Variants in AK5 observed in about 807,000 individuals in gnomAD.
AK5 encodes the protein adenylate kinase 5.
In AK5, 27 loss-of-function variants were observed where a neutral mutation model predicts 69.5. That is an observed-to-expected ratio of 0.39 (90% confidence interval 0.29 to 0.54). The LOEUF is 0.54. Ranked by LOEUF, AK5 falls within the 20% of genes least tolerant of loss-of-function variation. The pLI, the probability that AK5 is intolerant of heterozygous loss-of-function variation, is 0.71. For synonymous variants in AK5, 260 were observed against 244.4 expected (o/e 1.06, Z -0.60); for missense variants, 531 against 700.4 (o/e 0.76, Z 2.73).
At chr1:77,304,081 A>G (rs1162437096) in intron 5 of AK5, among the ~76,000 whole-genome samples, 2 of 152,098 alleles carry the variant, frequency 1.3e-5, no homozygotes, top group Non-Finnish European at 2.9e-5. Flanking sequence ...TTTGCTATCA[A>G]ATAGTAGGTC....
chr1:77,358,018 T>TGTGA (rs762714026), intron 6 of AK5, among the ~76,000 whole-genome samples: 20 of 128,268 alleles, frequency 1.6e-4, no homozygotes, highest in Non-Finnish European at 2.3e-4. Flanking sequence ...TGTGTGTGTG[T>TGTGA]GAGAGAGAGA....
At chr1:77,501,838 C>T (rs12049202) in intron 10 of AK5, among the ~76,000 whole-genome samples, 29,689 of 152,140 alleles carry the variant, frequency 0.2, 3,158 homozygotes, top group East Asian at 0.35. Flanking sequence ...ACTAAAATAT[C>T]AGCCCCAGCA....
chr1:77,488,826 C>A (rs887893559), intron 10 of AK5, among the ~76,000 whole-genome samples: 1 of 152,176 alleles, frequency 6.6e-6, no homozygotes, highest in Non-Finnish European at 1.5e-5. Context: ...ACCACTGACT[C>A]AAATGTTAAT....
chr1:77,292,977 C>G (rs1053404240), intron 2 of AK5, among the ~76,000 whole-genome samples: 11 of 152,082 alleles, frequency 7.2e-5, no homozygotes, highest in African/African-American at 2.4e-4. Context: ...ATTCTTATGC[C>G]AAATTACTCT....
chr1:77,355,904 C>T (rs200006344), intron 6 of AK5, among the ~76,000 whole-genome samples: 6,756 of 115,226 alleles, frequency 0.059, 191 homozygotes, highest in South Asian at 0.11. Flanking sequence ...CACACACACA[C>T]ATATATATAT....
chr1:77,538,518 C>T (rs900125747), intron 13 of AK5, among the ~76,000 whole-genome samples: 5 of 150,642 alleles, frequency 3.3e-5, no homozygotes, highest in South Asian at 2.1e-4. Flanking sequence ...GGTGTGGTGG[C>T]GCGTGCCTGT....
chr1:77,541,308 C>T (rs998278478), intron 13 of AK5, among the ~76,000 whole-genome samples: 1 of 152,120 alleles, frequency 6.6e-6, no homozygotes, highest in Non-Finnish European at 1.5e-5. Context: ...TCTGTGGTCA[C>T]AGCCACTCAG....
chr1:77,385,574 C>T (rs1647966399), intron 6 of AK5, among the ~76,000 whole-genome samples: 1 of 152,172 alleles, frequency 6.6e-6, no homozygotes, highest in Non-Finnish European at 1.5e-5. Context: ...ATCAAATTCC[C>T]ACTGTTCATA....
intron 13 of AK5, among the ~76,000 whole-genome samples, chr1:77,551,777 C>T (rs1001305691): frequency 1.1e-4 from 16 of 152,188 alleles, no homozygotes; most frequent in African/African-American, 3.1e-4. Flanking sequence ...AACATGTTTC[C>T]TCCCCTACAA....
intron 3 of AK5, among the ~76,000 whole-genome samples, chr1:77,294,441 AT>A (rs375937380): frequency 5.9e-5 from 9 of 152,002 alleles, no homozygotes; most frequent in Non-Finnish European, 1.2e-4. Flanking sequence ...ACATGATGTG[AT>A]TTTTCCCCCT....
chr1:77,558,609 C>T lies in AK5; in HGVS notation c.1628C>T (p.Ala543Val). The change falls in exon 14 of 14, where the codon GCA becomes GTA. Residue 543 changes from alanine (A) to valine (V), a missense_variant. By Grantham distance (64) the Ala-to-Val change is moderately conservative. Transcript: ENST00000354567. ...ETKTQLHKIN[A>V]EGTPEDVFLQ... is the part of the protein sequence containing the mutation. ...TTTTCCTTTTAAATATAGATAAATG[C>T]AGAGGGAACACCAGAGGACGTTTTT... The T allele has an allele frequency of 1.3e-6, 2 of 1,589,834 alleles. No individual in the cohort carries two copies. Among genetic ancestry groups the T allele is most frequent in the Non-Finnish European group, 8.6e-7 (1 of 1,158,426 alleles).
rs1284324249 is a variant in AK5, at chr1:77,559,815, C to CA, written c.*1151dup. The CA allele has an allele frequency of 4.0e-5, 6 of 151,190 alleles. No homozygotes were observed. The highest frequency in any genetic ancestry group is 2.0e-4 in the Admixed American group (3 of 15,194). The allele number at this position is 151,190 out of a possible 1,614,324, so 9.4% of individuals were successfully genotyped here. On this transcript the variant is annotated 3_prime_UTR_variant, in exon 14 of 14. Coordinates refer to ENST00000354567, the MANE Select transcript of AK5 (RefSeq NM_174858.3). The stretch of plus-strand genomic sequence containing the variant: ...AACTGCATCTTCCACTCAGTCACTA[C>CA]AAAAAAGCATAGTTTCAGTTTGCAT...
intron 6 of AK5, among the ~76,000 whole-genome samples, chr1:77,403,148 T>A (rs1329429329): frequency 3.3e-5 from 5 of 152,278 alleles, no homozygotes; most frequent in African/African-American, 1.2e-4. Flanking sequence ...GGGTTGTTTG[T>A]TTTTTTCTTG....
chr1:77,439,615 T>A (rs947586865), intron 8 of AK5, among the ~76,000 whole-genome samples: 2 of 152,108 alleles, frequency 1.3e-5, no homozygotes, highest in Non-Finnish European at 2.9e-5. Flanking sequence ...TGATATTTAC[T>A]TTTTTAGCCC....
chr1:77,394,436 C>G (rs952202075), intron 6 of AK5, among the ~76,000 whole-genome samples: 1 of 152,134 alleles, frequency 6.6e-6, no homozygotes, highest in African/African-American at 2.4e-5. Flanking sequence ...TCCTCCTTCC[C>G]TCTCTGGGAC....
At chr1:77,497,324 G>A (rs1415785863) in intron 10 of AK5, among the ~76,000 whole-genome samples, 2 of 152,058 alleles carry the variant, frequency 1.3e-5, no homozygotes, top group African/African-American at 4.8e-5. Context: ...TCACTGCAAA[G>A]GTCTGCGTCT....
intron 5 of AK5, among the ~76,000 whole-genome samples, chr1:77,317,569 A>G (rs1660307342): frequency 6.6e-6 from 1 of 152,092 alleles, no homozygotes; most frequent in Non-Finnish European, 1.5e-5. Flanking sequence ...TTTCTTGCTC[A>G]TCTTTTCATG....
intron 12 of AK5, among the ~76,000 whole-genome samples, chr1:77,523,297 C>T (rs1658098897): frequency 6.6e-6 from 1 of 152,138 alleles, no homozygotes; most frequent in Non-Finnish European, 1.5e-5. Flanking sequence ...TCCAGAGCTT[C>T]CATCAGCAAG....
intron 6 of AK5, among the ~76,000 whole-genome samples, chr1:77,409,385 C>A (rs995320408): frequency 6.6e-6 from 1 of 152,048 alleles, no homozygotes; most frequent in African/African-American, 2.4e-5. Context: ...ACCAACACAA[C>A]CTCACTACCA....
Sources: gnomAD v4.1 joint callset for allele counts (sites outside exome capture counted in the v4.1 genomes callset) on GRCh38, gnomAD v4.1.1 for gene constraint, MANE v1.5 for transcripts, NCBI Gene and HGNC (gene_info 2026-07-23, HGNC 2026-07-21) for gene names.